Variants in MYOM1 observed in about 807,000 individuals in gnomAD.
The protein encoded by MYOM1 is myomesin 1, also known as myomesin-1.
Under a neutral mutation model 205.3 loss-of-function variants are expected in MYOM1, and 164 were observed. The ratio of observed to expected loss-of-function variants is 0.80; its 90% CI spans 0.70 to 0.91. The LOEUF (loss-of-function observed/expected upper bound fraction) is 0.91. Ranked by LOEUF, MYOM1 falls within the 40% of genes least tolerant of loss-of-function variation. The pLI is 0.00. For synonymous variants in MYOM1, 772 were observed against 789.4 expected (o/e 0.98, Z 0.37); for missense variants, 2,011 against 2,127.3 (o/e 0.95, Z 1.08).
intron 5 of MYOM1, among the ~76,000 whole-genome samples, chr18:3,186,221 C>A (rs1034656091): frequency 1.1e-4 from 17 of 151,628 alleles, no homozygotes; most frequent in Admixed American, 8.5e-4. Context: ...AAAAGAATAA[C>A]CTTAGAGAGT....
At chr18:3,224,162 G>A (rs375587774), upstream of MYOM1, among the ~76,000 whole-genome samples, 179 of 151,992 alleles carry the variant, frequency 1.2e-3, no homozygotes, top group African/African-American at 4.2e-3. Flanking sequence ...CCGAGTAGCT[G>A]GGACTACAGG....
rs1038891640 is a variant in MYOM1 at position 3,164,441 on chromosome 18, T to C, written c.1340-2A>G. 2.5e-6 allele frequency: 4 copies of C among 1,581,848 alleles called. No homozygotes were observed. Among genetic ancestry groups the C allele is most frequent in the Admixed American group, 3.9e-5 (2 of 51,454 alleles). On this transcript the variant is annotated splice_acceptor_variant, in intron 9 of 37. Transcript: ENST00000356443. LOFTEE classifies it high-confidence loss of function. ...ATTTTGATGGAGAAAGAGGTACTCCTAGAAATATTTTAAAAGTAAGCAAAT... is the reference window on the plus strand; with the variant it reads ...ATTTTGATGGAGAAAGAGGTACTCCCAGAAATATTTTAAAAGTAAGCAAAT...
At chr18:3,214,684 G>A (rs1400119750) in intron 2 of MYOM1, among the ~76,000 whole-genome samples, 1 of 152,136 alleles carries the variant, frequency 6.6e-6, no homozygotes, top group South Asian at 2.1e-4. Flanking sequence ...TGAGCCGGGC[G>A]TGGTGGTGCA....
chr18:3,238,248 T>C, the MYOM1 span, among the ~76,000 whole-genome samples: 2 of 152,036 alleles, frequency 1.3e-5, no homozygotes, highest in Admixed American at 6.6e-5. Context: ...CAGTTCACAA[T>C]AGGGCTCATG....
intron 5 of MYOM1, among the ~76,000 whole-genome samples, chr18:3,180,836 T>C (rs1325264678): frequency 6.6e-6 from 1 of 152,120 alleles, no homozygotes. Context: ...GGGGTCACAG[T>C]AAAAGCTCTT....
intron 3 of MYOM1, 59 bp downstream of exon 3, chr18:3,193,759 C>T (rs1388024185): frequency 4.1e-5 from 63 of 1,523,180 alleles, no homozygotes; most frequent in Non-Finnish European, 4.7e-5. Flanking sequence ...TCTGCCATTC[C>T]TATAGCACTT....
intron 5 of MYOM1, among the ~76,000 whole-genome samples, chr18:3,186,788 GAGAAAGAAAGAAAGAGAAAGAA>G (rs937833810): frequency 4.8e-5 from 5 of 105,088 alleles, no homozygotes; most frequent in African/African-American, 1.3e-4. Flanking sequence ...GAAGGAGAGA[GAGAAAGAAAGAAAGAGAAAGAA>G]AGAAAGAAAG....
At chr18:3,130,974 A>G (rs533435601) in intron 17 of MYOM1, among the ~76,000 whole-genome samples, 24 of 152,360 alleles carry the variant, frequency 1.6e-4, no homozygotes, top group African/African-American at 5.5e-4. Flanking sequence ...TTCTGTTAGC[A>G]AAAACAAGCC....
In MYOM1 at chr18:3,135,811, C is replaced by A. The variant is rs1185295186; in HGVS notation, c.2026-81G>T. 4.7e-6 allele frequency: 7 copies of A among 1,486,868 alleles called. No homozygotes were observed. Among genetic ancestry groups the A allele is most frequent in the Admixed American group, 1.9e-5 (1 of 53,976 alleles). 92.1% of individuals were successfully genotyped at this position (1,486,868 alleles called of 1,614,324 possible). A position where few individuals can be genotyped will look rare whatever the true frequency, so the allele number is the denominator to read the frequency against. Reference sequence around the variant, plus strand: ...AGGCCAGGCAACTCCAAGTTTCATTCATCTGCAACAAACCACTCCCTGTAA... The same window carrying A: ...AGGCCAGGCAACTCCAAGTTTCATTAATCTGCAACAAACCACTCCCTGTAA... On this transcript the variant is annotated intron_variant, in intron 14 of 37. Coordinates refer to ENST00000356443, the MANE Select transcript of MYOM1 (RefSeq NM_003803.4). The surrounding 1 kb of genome is among the most constrained non-coding windows in gnomAD (Gnocchi z 4.1).
chr18:3,183,218 C>G (rs956227103), intron 5 of MYOM1, among the ~76,000 whole-genome samples: 1 of 152,168 alleles, frequency 6.6e-6, no homozygotes, highest in African/African-American at 2.4e-5. Context: ...CGTGGGCCAC[C>G]ACGCCCGGCC....
In MYOM1 at chr18:3,100,370, T is replaced by C; in HGVS notation, c.3632A>G (p.Asp1211Gly). Residue 1211 changes from aspartate (D) to glycine (G), a missense_variant, in exon 24 of 38, where the codon GAT becomes GGT. By Grantham distance (94) the Asp-to-Gly change is moderately conservative. Transcript: ENST00000356443. ...TGCTATTCCATCAGTGTCTGTTACA[T>C]CGCAAGAGTAAATACCCAAGTCATC... ...GMDDLGIYSC[D>G]VTDTDGIASS... 1 of 1,613,980 alleles carries C rather than the reference T, an allele frequency of 6.2e-7. No homozygotes were observed.
chr18:3,100,207 T>C lies in MYOM1; in HGVS notation c.3683-4A>G. 1 of 1,613,878 alleles carries C rather than the reference T, an allele frequency of 6.2e-7. No homozygotes were observed. Among genetic ancestry groups the C allele is most frequent in the Non-Finnish European group, 8.5e-7 (1 of 1,179,848 alleles). ...AGAGCAAGTAAACGTTTCAATTCTG[T>C]AGGGGGAAAAAGAAGGCAGTTAAAC... On this transcript the variant is annotated splice_polypyrimidine_tract_variant and splice_region_variant and intron_variant, in intron 24 of 37. Transcript: ENST00000356443.
At chr18:3,167,522 TA>T (rs2080489623) in intron 9 of MYOM1, among the ~76,000 whole-genome samples, 1 of 152,204 alleles carries the variant, frequency 6.6e-6, no homozygotes, top group African/African-American at 2.4e-5. Flanking sequence ...TAGCTGGGAC[TA>T]CAGGTGTGCG....
chr18:3,084,122 G>T, intron 31 of MYOM1, 95 bp from the exon 32 acceptor site: 1 of 1,322,466 alleles, frequency 7.6e-7, no homozygotes, highest in Non-Finnish European at 1.1e-6. Flanking sequence ...TCCCTTTCTG[G>T]TTGAAAGGAA....
At chr18:3,149,026 A>G (rs1199547221) in intron 13 of MYOM1, 119 bp downstream of exon 13, 2 of 788,490 alleles carry the variant, frequency 2.5e-6, no homozygotes, top group Non-Finnish European at 4.4e-6. Flanking sequence ...CAATCTCCAG[A>G]TATTTTAGAA....
At chr18:3,183,900 G>C (rs913220384) in intron 5 of MYOM1, among the ~76,000 whole-genome samples, 17 of 148,606 alleles carry the variant, frequency 1.1e-4, no homozygotes, top group Non-Finnish European at 3.0e-5. Context: ...ATCATTTTTC[G>C]TTCTCTCTCT....
intron 18 of MYOM1, among the ~76,000 whole-genome samples, chr18:3,127,675 C>G (rs1208116418): frequency 2.6e-5 from 4 of 152,054 alleles, no homozygotes; most frequent in Non-Finnish European, 5.9e-5. Context: ...CCTTGTGAGA[C>G]CTTACAACTA....
intron 21 of MYOM1, among the ~76,000 whole-genome samples, chr18:3,115,793 C>G (rs1392642978): frequency 6.6e-6 from 1 of 152,136 alleles, no homozygotes; most frequent in Non-Finnish European, 1.5e-5. Flanking sequence ...CTAGAGGAAC[C>G]TGAAAGGCAG....
chr18:3,131,327 A>T (rs1190667416), intron 17 of MYOM1, 48 bp downstream of exon 17: 1 of 1,603,222 alleles, frequency 6.2e-7, no homozygotes, highest in Non-Finnish European at 8.5e-7. Context: ...CCTTTCTAAC[A>T]TAGAAAAATC....
Sources: allele counts gnomAD v4.1 joint callset (sites outside exome capture counted in the v4.1 genomes callset), GRCh38; gene constraint gnomAD v4.1.1; non-coding constraint Gnocchi (gnomAD v3.1); transcripts MANE v1.5; gene names NCBI Gene and HGNC (gene_info 2026-07-23, HGNC 2026-07-21).